L3MBTL3: variants seen among roughly 807,000 people sequenced by gnomAD.
L3MBTL3 encodes the protein L3MBTL histone methyl-lysine binding protein 3, also known as lethal(3)malignant brain tumor-like protein 3.
Under a neutral mutation model 102.3 loss-of-function variants are expected in L3MBTL3, and 27 were observed. The ratio of observed to expected loss-of-function variants is 0.26; its 90% CI spans 0.19 to 0.36. The LOEUF (loss-of-function observed/expected upper bound fraction) is 0.36, where lower values mean the gene tolerates loss of function less well. Ranked by LOEUF, L3MBTL3 falls within the 10% of genes least tolerant of loss-of-function variation. L3MBTL3 has a pLI of 1.00. For missense variants in L3MBTL3, 798 were observed against 955.3 expected (o/e 0.84, Z 2.17); for synonymous variants, 340 against 320.9 (o/e 1.06, Z -0.64).
At chr6:130,075,600 A>G (rs1359276044) in intron 13 of L3MBTL3, among the ~76,000 whole-genome samples, 1 of 152,192 alleles carries the variant, frequency 6.6e-6, no homozygotes, top group East Asian at 1.9e-4. Flanking sequence ...GTGATAAGGG[A>G]TATTAAGCAG....
intron 16 of L3MBTL3, among the ~76,000 whole-genome samples, chr6:130,090,211 T>TATAC (rs1345235626): frequency 2.6e-5 from 4 of 152,104 alleles, no homozygotes; most frequent in Non-Finnish European, 4.4e-5. Context: ...TATATATATA[T>TATAC]ACTTTTACTA....
intron 12 of L3MBTL3, among the ~76,000 whole-genome samples, chr6:130,068,911 T>C (rs1403085521): frequency 1.3e-5 from 2 of 152,198 alleles, no homozygotes; most frequent in Non-Finnish European, 2.9e-5. Flanking sequence ...TATTCCTGCT[T>C]TCCATAACAT....
intron 22 of L3MBTL3, among the ~76,000 whole-genome samples, chr6:130,138,685 G>A (rs1250013949): frequency 6.6e-6 from 1 of 152,060 alleles, no homozygotes; most frequent in African/African-American, 2.4e-5. Flanking sequence ...GGAGTGCGTT[G>A]CTGTCAAGGT....
chr6:130,098,298 C>T (rs1233703621), intron 18 of L3MBTL3, among the ~76,000 whole-genome samples: 1 of 152,142 alleles, frequency 6.6e-6, no homozygotes, highest in African/African-American at 2.4e-5. Context: ...CGTGAACAAA[C>T]CTTTGTTAAG....
At chr6:130,117,241 T>C (rs899480560) in intron 19 of L3MBTL3, among the ~76,000 whole-genome samples, 4 of 147,284 alleles carry the variant, frequency 2.7e-5, no homozygotes, top group Non-Finnish European at 5.9e-5. Context: ...TTTGTTCTTG[T>C]GATAGTTTAC....
rs945624986 is a variant in L3MBTL3, at chr6:130,140,942, A to G, written c.*1189A>G. ...GGAAGGATTCCTTTTTCTGTAGAAT[A>G]CTTTGCCTCGATATATAAGCATACA... is the stretch of plus-strand genomic sequence containing the variant. On this transcript the variant is annotated 3_prime_UTR_variant, in exon 23 of 23. Coordinates refer to ENST00000361794, the MANE Select transcript of L3MBTL3 (RefSeq NM_032438.4). 1.3e-5 allele frequency: 2 copies of G among 152,644 alleles called. No homozygotes were observed. Among genetic ancestry groups the G allele is most frequent in the African/African-American group, 4.8e-5 (2 of 41,458 alleles). The allele number at this position is 152,644 out of a possible 1,614,324, so 9.5% of individuals were successfully genotyped here.
intron 3 of L3MBTL3, among the ~76,000 whole-genome samples, chr6:130,048,178 G>C (rs4404788): frequency 3.3e-5 from 5 of 152,112 alleles, no homozygotes; most frequent in Admixed American, 2.6e-4. Flanking sequence ...TTCTATTGGC[G>C]TGTTGACTAA....
intron 2 of L3MBTL3, among the ~76,000 whole-genome samples, chr6:130,029,877 TG>T (rs1779600101): frequency 6.6e-6 from 1 of 152,076 alleles, no homozygotes; most frequent in African/African-American, 2.4e-5. Flanking sequence ...TGGAGTGCAG[TG>T]GGTGGTACAA....
chr6:130,127,045 T>C (rs1191058546), intron 20 of L3MBTL3, among the ~76,000 whole-genome samples: 1 of 151,916 alleles, frequency 6.6e-6, no homozygotes, highest in Non-Finnish European at 1.5e-5. Flanking sequence ...CTGTGGGAGG[T>C]TGCAGGCAGG....
chr6:130,095,388 G>GTTCT (rs1266917661), intron 18 of L3MBTL3, among the ~76,000 whole-genome samples: 3 of 152,016 alleles, frequency 2.0e-5, no homozygotes, highest in Non-Finnish European at 4.4e-5. Context: ...TCTCCTTAAT[G>GTTCT]TTCTATGAGG....
chr6:130,033,003 A>C (rs1325173583), intron 2 of L3MBTL3, among the ~76,000 whole-genome samples: 3 of 152,212 alleles, frequency 2.0e-5, no homozygotes, highest in African/African-American at 4.8e-5. Context: ...AAAAACATGC[A>C]AAAAATGAGA....
intron 20 of L3MBTL3, among the ~76,000 whole-genome samples, chr6:130,130,986 A>G (rs955278719): frequency 1.3e-5 from 2 of 152,226 alleles, no homozygotes; most frequent in African/African-American, 4.8e-5. Context: ...TTTACCACTT[A>G]TAACAGCCTC....
intron 18 of L3MBTL3, among the ~76,000 whole-genome samples, chr6:130,100,125 C>G (rs1236385912): frequency 6.6e-6 from 1 of 151,912 alleles, no homozygotes; most frequent in East Asian, 1.9e-4. Flanking sequence ...ACATCCCTGT[C>G]TAAGCCCCAA....
chr6:130,116,634 T>G (rs1785699746), intron 19 of L3MBTL3, among the ~76,000 whole-genome samples: 1 of 152,120 alleles, frequency 6.6e-6, no homozygotes, highest in East Asian at 1.9e-4. Flanking sequence ...ATGCCTGTAG[T>G]TTCAGCTACT....
At chr6:130,049,936 GCAC>G in intron 5 of L3MBTL3, 106 bp downstream of exon 5, 3 of 1,378,354 alleles carry the variant, frequency 2.2e-6, no homozygotes, top group Non-Finnish European at 2.9e-6. Context: ...GTTGACAATA[GCAC>G]CATCCACCCA....
intron 19 of L3MBTL3, among the ~76,000 whole-genome samples, chr6:130,113,480 T>C (rs1057249328): frequency 2.0e-5 from 3 of 152,226 alleles, no homozygotes; most frequent in Non-Finnish European, 4.4e-5. Context: ...ACTATCTCTA[T>C]TAAAAATCAC....
At chr6:130,115,015 C>G (rs146153232) in intron 19 of L3MBTL3, among the ~76,000 whole-genome samples, 1 of 149,952 alleles carries the variant, frequency 6.7e-6, no homozygotes, top group East Asian at 2.0e-4. Context: ...TTTTTACCTG[C>G]GAGTAAGTCA....
rs536620335 is a variant in L3MBTL3, at chr6:130,093,765, G to A, written c.1634-500G>A. 3.3e-5 allele frequency among the ~76,000 whole-genome samples: 5 copies of A among 152,310 alleles called. No individual in the cohort carries two copies. In the South Asian group the frequency reaches 1.0e-3, roughly 32 times the overall value. The stretch of plus-strand genomic sequence containing the variant: ...AAAACCGAATGTGCCTGAATGCTTA[G>A]AACAATTTCCAGGAGAGCCCACACT... On this transcript the variant is annotated intron_variant, in intron 17 of 22. Coordinates refer to ENST00000361794, the MANE Select transcript of L3MBTL3 (RefSeq NM_032438.4).
At position 130,071,396 on chromosome 6, in the gene L3MBTL3, G is replaced by C. The variant is rs529198322; in HGVS notation, c.1244+269G>C. On this transcript the variant is annotated intron_variant, in intron 13 of 22. Coordinates refer to ENST00000361794, the MANE Select transcript of L3MBTL3 (RefSeq NM_032438.4). Reference sequence around the variant, plus strand: ...CCACATTCCCAACATATGTTCACACGTATTTTAATCTTCCCTTCTTATTTT... The same window carrying C: ...CCACATTCCCAACATATGTTCACACCTATTTTAATCTTCCCTTCTTATTTT... Among the ~76,000 whole-genome samples the C allele has an allele frequency of 5.3e-5, 8 of 152,076 alleles. No individual in the cohort carries two copies. The South Asian group carries it at 1.7e-3, about 31-fold the overall frequency.
Sources: gnomAD v4.1 joint callset for allele counts (sites outside exome capture counted in the v4.1 genomes callset) on GRCh38, gnomAD v4.1.1 for gene constraint, MANE v1.5 for transcripts, NCBI Gene and HGNC (gene_info 2026-07-23, HGNC 2026-07-21) for gene names.